LRRC37A2: variants seen among roughly 807,000 people sequenced by gnomAD.
LRRC37A2 encodes the protein leucine rich repeat containing 37 member A2, also known as leucine-rich repeat-containing protein 37A2.
In LRRC37A2, 9 loss-of-function variants were observed where a neutral mutation model predicts 68.8. The observed-to-expected ratio is 0.13, with a 90% CI of 0.08 to 0.23. LRRC37A2 has a LOEUF of 0.23. LRRC37A2 is among the 10% of genes least tolerant of loss of function. The probability of loss-of-function intolerance (pLI) is 1.00; values close to 1 mark genes in which losing one functional copy is unlikely to be tolerated. For missense variants in LRRC37A2, 168 were observed against 950.4 expected, an observed-to-expected ratio of 0.18 and a Z score of 10.82; for synonymous variants, 63 against 367.6, an observed-to-expected ratio of 0.17 and a Z score of 9.48.
the LRRC37A2 span, among the ~76,000 whole-genome samples, chr17:47,024,483 G>A: frequency 6.6e-6 from 1 of 152,146 alleles, no homozygotes; most frequent in Admixed American, 6.5e-5. Flanking sequence ...GAGTGTGTGT[G>A]TGTGTGTTTG....
chr17:46,920,555 C>T, the LRRC37A2 span, among the ~76,000 whole-genome samples: 2 of 152,120 alleles, frequency 1.3e-5, no homozygotes, highest in African/African-American at 4.8e-5. Flanking sequence ...ATGTCTCCTG[C>T]CTTGGGAGGA....
the LRRC37A2 span, among the ~76,000 whole-genome samples, chr17:47,029,085 C>T: frequency 2.6e-5 from 4 of 151,874 alleles, no homozygotes; most frequent in Admixed American, 6.6e-5. Context: ...GGCTGAGGCA[C>T]GAGAATGGCT....
the LRRC37A2 span, chr17:46,978,510 G>T: frequency 1.9e-6 from 2 of 1,068,388 alleles, no homozygotes; most frequent in Admixed American, 3.1e-5. Context: ...CAGTCTCGCC[G>T]CGTCCCCGCC....
the LRRC37A2 span, chr17:47,027,521 C>T: frequency 7.2e-6 from 7 of 979,004 alleles, no homozygotes; most frequent in African/African-American, 8.0e-5. Flanking sequence ...CATTTAATAA[C>T]TAATCAAGGC....
the LRRC37A2 span, among the ~76,000 whole-genome samples, chr17:46,872,942 G>A: frequency 6.6e-6 from 1 of 152,116 alleles, no homozygotes; most frequent in African/African-American, 2.4e-5. Flanking sequence ...GTTAATGAGG[G>A]GCAGTTGAAG....
the LRRC37A2 span, among the ~76,000 whole-genome samples, chr17:46,874,035 G>T: frequency 7.8e-4 from 118 of 151,850 alleles, no homozygotes; most frequent in African/African-American, 2.7e-3. Flanking sequence ...GGGCAGCCAG[G>T]CCCCTCCTAG....
the LRRC37A2 span, among the ~76,000 whole-genome samples, chr17:46,890,279 G>T: frequency 1.3e-5 from 2 of 152,328 alleles, no homozygotes; most frequent in South Asian, 2.1e-4. Flanking sequence ...TGCCTAAAGT[G>T]CTCCACGAGG....
chr17:46,999,099 C>T, the LRRC37A2 span, among the ~76,000 whole-genome samples: 1 of 152,202 alleles, frequency 6.6e-6, no homozygotes, highest in South Asian at 2.1e-4. Context: ...CCAACACCAA[C>T]GAGTTCAACA....
the LRRC37A2 span, among the ~76,000 whole-genome samples, chr17:46,917,468 T>G: frequency 6.6e-6 from 1 of 152,242 alleles, no homozygotes; most frequent in Non-Finnish European, 1.5e-5. Context: ...GTCCCACTCC[T>G]GGACATGCTG....
At chr17:46,918,214 G>A in the LRRC37A2 span, among the ~76,000 whole-genome samples, 2 of 152,166 alleles carry the variant, frequency 1.3e-5, no homozygotes, top group Non-Finnish European at 2.9e-5. Flanking sequence ...CGAGTAGCTG[G>A]GACTACAGGC....
intron 6 of LRRC37A2, among the ~76,000 whole-genome samples, chr17:46,530,321 T>G (rs1472787451): frequency 7.6e-6 from 1 of 131,990 alleles, no homozygotes; most frequent in Non-Finnish European, 1.7e-5. Flanking sequence ...CGAAGGATAT[T>G]TAAAGCCCTA....
chr17:46,758,538 A>G, the LRRC37A2 span, among the ~76,000 whole-genome samples: 1 of 152,180 alleles, frequency 6.6e-6, no homozygotes, highest in African/African-American at 2.4e-5. Flanking sequence ...TTTTTGTCAT[A>G]AGATGTTTTT....
At chr17:47,000,082 AAAAT>A in the LRRC37A2 span, among the ~76,000 whole-genome samples, 223 of 10,016 alleles carry the variant, frequency 0.022, 10 homozygotes, top group South Asian at 0.031. Flanking sequence ...AATAAAAAAT[AAAAT>A]AAAATAAAAT....
chr17:46,895,977 A>T, the LRRC37A2 span, among the ~76,000 whole-genome samples: 1 of 152,056 alleles, frequency 6.6e-6, no homozygotes, highest in Non-Finnish European at 1.5e-5. Flanking sequence ...CCATCTGGGG[A>T]TTAAGAAAGA....
the LRRC37A2 span, among the ~76,000 whole-genome samples, chr17:46,897,371 C>G: frequency 3.9e-5 from 6 of 152,196 alleles, no homozygotes; most frequent in Non-Finnish European, 7.4e-5. Flanking sequence ...GAATCCGAGG[C>G]TACCATTAGC....
chr17:46,932,052 C>A, the LRRC37A2 span: 1 of 1,611,954 alleles, frequency 6.2e-7, no homozygotes. Flanking sequence ...TAATCTCTCT[C>A]TCCATCAATT....
the LRRC37A2 span, among the ~76,000 whole-genome samples, chr17:47,020,206 C>A: frequency 6.8e-6 from 1 of 147,772 alleles, no homozygotes; most frequent in Non-Finnish European, 1.5e-5. Flanking sequence ...AGCTTGGTGA[C>A]CCAGAGCAAG....
chr17:46,773,062 G>T, the LRRC37A2 span, among the ~76,000 whole-genome samples: 1 of 152,138 alleles, frequency 6.6e-6, no homozygotes, highest in East Asian at 1.9e-4. Context: ...CAGGTTCAAA[G>T]TCAAATCATG....
chr17:47,010,609 A>AC, the LRRC37A2 span: 1 of 152,128 alleles, frequency 6.6e-6, no homozygotes, highest in African/African-American at 2.4e-5. Context: ...GTGGTCCAGC[A>AC]CTCCCACCTT....
Sources: allele counts gnomAD v4.1 joint callset (sites outside exome capture counted in the v4.1 genomes callset), GRCh38; gene constraint gnomAD v4.1.1; transcripts MANE v1.5; gene names NCBI Gene and HGNC (gene_info 2026-07-23, HGNC 2026-07-21).